The following KCTD14 variants were observed in gnomAD, a reference collection of about 807,000 sequenced individuals.
KCTD14 encodes BTB/POZ domain-containing protein KCTD14.
A neutral mutation model predicts 5.9 loss-of-function variants in KCTD14; 7 were observed. The observed-to-expected ratio is 1.19, with a 90% CI of 0.68 to 2.23. KCTD14 has a LOEUF of 2.23. Among genes scored for constraint, KCTD14 ranks in the 30% most tolerant of loss-of-function variants. The pLI, the probability that KCTD14 is intolerant of heterozygous loss-of-function variation, is 0.00. For synonymous variants in KCTD14, 140 were observed against 133.1 expected, an observed-to-expected ratio of 1.05 and a Z score of -0.36; for missense variants, 342 against 332.2, an observed-to-expected ratio of 1.03 and a Z score of -0.23.
intron 1 of KCTD14, among the ~76,000 whole-genome samples, chr11:78,017,964 G>T (rs759255773): frequency 8.6e-5 from 13 of 151,998 alleles, no homozygotes; most frequent in Non-Finnish European, 1.8e-4. Flanking sequence ...AGGTGTGATG[G>T]CACGCGCCTG....
chr11:78,037,678 G>A (rs1357705931), intron 2 of KCTD14, among the ~76,000 whole-genome samples: 7 of 152,100 alleles, frequency 4.6e-5, no homozygotes, highest in Non-Finnish European at 1.0e-4. Context: ...AATTAGCCGG[G>A]TGTGGTGGTG....
At chr11:78,031,240 G>A (rs919923140) in intron 2 of KCTD14, among the ~76,000 whole-genome samples, 4 of 151,710 alleles carry the variant, frequency 2.6e-5, no homozygotes, top group African/African-American at 9.7e-5. Context: ...TAGAGATGGT[G>A]TCTCACTATG....
upstream of KCTD14, among the ~76,000 whole-genome samples, chr11:78,026,293 C>T (rs1034775907): frequency 7.2e-5 from 11 of 151,860 alleles, no homozygotes; most frequent in East Asian, 5.8e-4. Context: ...AAAAATTAGC[C>T]GGGCATGGTG....
chr11:78,018,032 G>C (rs2136702034), intron 1 of KCTD14, among the ~76,000 whole-genome samples: 1 of 152,266 alleles, frequency 6.6e-6, no homozygotes, highest in African/African-American at 2.4e-5. Context: ...AGGAGGTGGA[G>C]GCTGCAGTGA....
chr11:78,031,750 G>T (rs549555386), intron 2 of KCTD14, among the ~76,000 whole-genome samples: 10 of 152,204 alleles, frequency 6.6e-5, no homozygotes, highest in Admixed American at 1.3e-4. Flanking sequence ...CATGGCACCA[G>T]GCACTGGGGA....
chr11:78,020,701 A>G (rs1028604728), intron 1 of KCTD14, among the ~76,000 whole-genome samples: 1 of 152,204 alleles, frequency 6.6e-6, no homozygotes, highest in Non-Finnish European at 1.5e-5. Context: ...TGTTACAGGC[A>G]AGGAAAGCTC....
At chr11:78,025,106 GTGTGTGTGTGTGTATA>G (rs1361996264), upstream of KCTD14, among the ~76,000 whole-genome samples, 3 of 66,300 alleles carry the variant, frequency 4.5e-5, no homozygotes, top group African/African-American at 2.5e-4. Context: ...GTGTGTGTGT[GTGTGTGTGTGTGTATA>G]TATATATATA....
intron 2 of KCTD14, among the ~76,000 whole-genome samples, chr11:78,036,285 C>T (rs1857801709): frequency 6.6e-6 from 1 of 152,240 alleles, no homozygotes; most frequent in South Asian, 2.1e-4. Flanking sequence ...CACACATGTG[C>T]ATGCATTGTG....
chr11:78,030,810 G>A (rs894368512), intron 2 of KCTD14, among the ~76,000 whole-genome samples: 1 of 152,074 alleles, frequency 6.6e-6, no homozygotes, highest in Admixed American at 6.5e-5. Context: ...GCTGTGCCAC[G>A]AGGCATCCTG....
chr11:78,015,908 G>T lies in KCTD14; in HGVS notation c.*685C>A, dbSNP rs568334601. 1.3e-5 allele frequency: 2 copies of T among 152,274 alleles called. No homozygotes were observed. Among genetic ancestry groups the T allele is most frequent in the African/African-American group, 4.8e-5 (2 of 41,444 alleles). 9.4% of individuals were successfully genotyped at this position (152,274 alleles called of 1,614,324 possible). A position where few individuals can be genotyped will look rare whatever the true frequency, so the allele number is the denominator to read the frequency against. ...CAGTCTTTTGTACCTCCATACAAGA[G>T]GTAGCAATTCTTTTCTAGAGATGGT... On this transcript the variant is annotated 3_prime_UTR_variant, in exon 2 of 2. Coordinates refer to ENST00000353172, the MANE Select transcript of KCTD14 (RefSeq NM_023930.4).
upstream of KCTD14, among the ~76,000 whole-genome samples, chr11:78,026,472 A>G (rs1857469893): frequency 6.6e-6 from 1 of 151,876 alleles, no homozygotes; most frequent in African/African-American, 2.4e-5. Flanking sequence ...AAAAGAAAAG[A>G]CATCAATTGG....
chr11:78,043,836 C>A (rs1430332866), intron 1 of KCTD14, among the ~76,000 whole-genome samples: 1 of 152,184 alleles, frequency 6.6e-6, no homozygotes, highest in Admixed American at 6.5e-5. Context: ...GAAGTCTCTT[C>A]TGGCTCGAGG....
chr11:78,020,501 GC>G (rs1421278500), intron 1 of KCTD14, among the ~76,000 whole-genome samples: 1 of 152,230 alleles, frequency 6.6e-6, no homozygotes, highest in African/African-American at 2.4e-5. Flanking sequence ...AGAAAAATAA[GC>G]CCAGAACCTC....
At chr11:78,023,457 A>C, upstream of KCTD14, 4 of 573,174 alleles carry the variant, frequency 7.0e-6, no homozygotes, top group Admixed American at 6.4e-5. Context: ...GAAATGGAGC[A>C]GACCCCTTAA....
At chr11:78,023,089 GAA>G in intron 1 of KCTD14, 69 bp downstream of exon 1, 1 of 1,060,258 alleles carries the variant, frequency 9.4e-7, no homozygotes, top group Non-Finnish European at 1.4e-6. Context: ...GGAGAAACTG[GAA>G]GGGAGGGAAG....
intron 2 of KCTD14, among the ~76,000 whole-genome samples, chr11:78,029,986 G>A (rs981227800): frequency 2.6e-5 from 4 of 151,798 alleles, no homozygotes; most frequent in Non-Finnish European, 2.9e-5. Flanking sequence ...GGGTTTCACC[G>A]TGTTAGCCAG....
intron 1 of KCTD14, among the ~76,000 whole-genome samples, chr11:78,043,643 AGC>A (rs1858053342): frequency 1.3e-5 from 2 of 152,124 alleles, no homozygotes. Flanking sequence ...GGCCTCCTGG[AGC>A]AGGTGACATT....
intron 2 of KCTD14, among the ~76,000 whole-genome samples, chr11:78,035,989 G>A (rs996614985): frequency 2.0e-5 from 3 of 151,404 alleles, no homozygotes; most frequent in African/African-American, 2.4e-5. Context: ...GTGAAACCCC[G>A]TCTCTACTAA....
At chr11:78,027,368 AT>A (rs60411445), upstream of KCTD14, among the ~76,000 whole-genome samples, 1,357 of 145,332 alleles carry the variant, frequency 9.3e-3, 13 homozygotes, top group Non-Finnish European at 0.015. Context: ...CCCCATCCCT[AT>A]TTTTTTTTTT....
Sources: allele counts gnomAD v4.1 joint callset (sites outside exome capture counted in the v4.1 genomes callset), GRCh38; gene constraint gnomAD v4.1.1; transcripts MANE v1.5; gene names NCBI Gene and HGNC (gene_info 2026-07-23, HGNC 2026-07-21).